The following GLTP variants were observed in gnomAD, a reference collection of about 807,000 sequenced individuals.
GLTP encodes glycolipid transfer protein.
In GLTP, 22 loss-of-function variants were observed where a neutral mutation model predicts 24.0. The observed-to-expected ratio is 0.92, with a 90% CI of 0.65 to 1.31. The LOEUF (loss-of-function observed/expected upper bound fraction) is 1.31. Among genes scored for constraint, GLTP ranks in the 50% most tolerant of loss-of-function variants. The probability of loss-of-function intolerance (pLI) is 0.00; values close to 1 mark genes in which losing one functional copy is unlikely to be tolerated. For missense variants in GLTP, 224 were observed against 276.6 expected (o/e 0.81, Z 1.35); for synonymous variants, 92 against 115.9 (o/e 0.79, Z 1.33).
At chr12:109,870,312 A>C (rs1214796432) in intron 1 of GLTP, among the ~76,000 whole-genome samples, 1 of 151,958 alleles carries the variant, frequency 6.6e-6, no homozygotes, top group Non-Finnish European at 1.5e-5. Context: ...CTAAAAATAC[A>C]AAAATTAACT....
At chr12:109,864,400 G>A (rs185426723) in intron 1 of GLTP, among the ~76,000 whole-genome samples, 11 of 152,306 alleles carry the variant, frequency 7.2e-5, no homozygotes, top group Middle Eastern at 3.4e-3. Context: ...CACAGTCCTG[G>A]GTTTGAATCT....
intron 4 of GLTP, among the ~76,000 whole-genome samples, chr12:109,854,672 C>G (rs534660390): frequency 6.6e-6 from 1 of 152,290 alleles, no homozygotes; most frequent in Non-Finnish European, 1.5e-5. Context: ...TGCCCTGGGC[C>G]AGGTACACAG....
chr12:109,871,834 G>A (rs977969011), intron 1 of GLTP, among the ~76,000 whole-genome samples: 5 of 152,188 alleles, frequency 3.3e-5, no homozygotes, highest in Non-Finnish European at 7.3e-5. Context: ...TAGGCTGGGC[G>A]CCCATGCTGC....
At chr12:109,877,138 G>A (rs917238944) in intron 1 of GLTP, among the ~76,000 whole-genome samples, 15 of 152,208 alleles carry the variant, frequency 9.9e-5, no homozygotes, top group African/African-American at 3.4e-4. Flanking sequence ...ACAGGCGTGA[G>A]CCACCGCACC....
At chr12:109,858,213 C>T (rs1565897579) in intron 2 of GLTP, 1 of 457,380 alleles carries the variant, frequency 2.2e-6, no homozygotes, top group Admixed American at 2.3e-5. Flanking sequence ...GGGGATAACA[C>T]AGGACCAGCC....
At position 109,855,564 on chromosome 12, in the gene GLTP, T is replaced by G. The variant is rs1176125422; in HGVS notation, c.447+55A>C. On this transcript the variant is annotated intron_variant, in intron 4 of 4. Coordinates refer to ENST00000318348, the MANE Select transcript of GLTP (RefSeq NM_016433.4). This position sits in a 1 kb window ranked among gnomAD's most constrained non-coding sequence, Gnocchi z 4.1. ...AGGCCTCGGCTAAGCAGGGGCAGAG[T>G]GGGGAGCAGAATCTGCAAGCTGGTG... 4.1e-6 allele frequency: 6 copies of G among 1,457,470 alleles called. No individual in the cohort carries two copies. The highest frequency in any genetic ancestry group is 1.4e-5 in the African/African-American group (1 of 69,344). The allele number at this position is 1,457,470 out of a possible 1,614,324, so 90.3% of individuals were successfully genotyped here. A position where few individuals can be genotyped will look rare whatever the true frequency, so the allele number is the denominator to read the frequency against.
At chr12:109,867,548 G>A (rs1368204546) in intron 1 of GLTP, among the ~76,000 whole-genome samples, 1 of 152,134 alleles carries the variant, frequency 6.6e-6, no homozygotes, top group African/African-American at 2.4e-5. Flanking sequence ...ATGGCCTCTG[G>A]GACAATTCTG....
At chr12:109,852,806 G>A (rs1892744861) in intron 4 of GLTP, 69 bp from the exon 5 acceptor site, 1 of 1,029,260 alleles carries the variant, frequency 9.7e-7, no homozygotes, top group South Asian at 1.4e-5. Flanking sequence ...CAGCAGGCCA[G>A]GGTTCTGGGA....
chr12:109,865,642 C>T (rs1868502802), intron 1 of GLTP, among the ~76,000 whole-genome samples: 1 of 151,814 alleles, frequency 6.6e-6, no homozygotes, highest in African/African-American at 2.4e-5. Context: ...CTATTTTGCC[C>T]AGGCCAGTCT....
intron 1 of GLTP, among the ~76,000 whole-genome samples, chr12:109,869,489 C>T (rs1464986194): frequency 7.4e-6 from 1 of 135,118 alleles, no homozygotes; most frequent in Non-Finnish European, 1.5e-5. Context: ...CGGAGTCTCA[C>T]TCTGTCGCCA....
At chr12:109,879,278 A>G (rs12578326) in intron 1 of GLTP, among the ~76,000 whole-genome samples, 23,432 of 152,166 alleles carry the variant, frequency 0.15, 3,060 homozygotes, top group African/African-American at 0.36. Flanking sequence ...AACCAGCAGG[A>G]CAGGACAGAG....
chr12:109,853,997 T>G (rs1592887613), intron 4 of GLTP, among the ~76,000 whole-genome samples: 1 of 151,310 alleles, frequency 6.6e-6, no homozygotes, highest in South Asian at 2.1e-4. Flanking sequence ...CTACCTGCCT[T>G]GCCTCCCAAA....
intron 1 of GLTP, among the ~76,000 whole-genome samples, chr12:109,860,590 G>A (rs775912167): frequency 2.0e-5 from 3 of 151,946 alleles, no homozygotes; most frequent in Non-Finnish European, 2.9e-5. Flanking sequence ...CGATCCTCCC[G>A]CCTCAGCCTC....
chr12:109,855,670 G>C lies in GLTP; in HGVS notation c.396C>G (p.Tyr132Ter). Residue 132 changes from tyrosine (Y) to a stop codon, truncating the protein, a stop_gained, in exon 4 of 5, where the codon TAC (tyrosine) becomes TAG (stop). Transcript: ENST00000318348. LOFTEE classifies it high-confidence loss of function. This position sits in a 1 kb window ranked among gnomAD's most constrained non-coding sequence, Gnocchi z 4.1. Reference sequence around the variant, plus strand: ...CATGGTACTTCTTGAGGGCCATCTCGTAGGCCTTGGTGGCGTTGACACGGA... The same window carrying C: ...CATGGTACTTCTTGAGGGCCATCTCCTAGGCCTTGGTGGCGTTGACACGGA... ...NLIRVNATKA[Y>*]EMALKKYHGW... 6.2e-7 allele frequency: 1 copy of C among 1,606,756 alleles called. No individual in the cohort carries two copies.
At chr12:109,877,540 G>A (rs535182436) in intron 1 of GLTP, among the ~76,000 whole-genome samples, 14 of 152,216 alleles carry the variant, frequency 9.2e-5, no homozygotes, top group Admixed American at 3.3e-4. Context: ...GGTAGAGGCC[G>A]GGAATGCTGC....
In GLTP at chr12:109,858,658, T is replaced by C. The variant is rs766992810; in HGVS notation, c.162+25A>G. ...TAGATTCCTAACGCAAGTCTTGGGC[T>C]GTGGCTGCCCGGCCAGGTACATACC... On this transcript the variant is annotated intron_variant, in intron 2 of 4. Coordinates refer to ENST00000318348, the MANE Select transcript of GLTP (RefSeq NM_016433.4). 1.0e-5 allele frequency: 16 copies of C among 1,592,088 alleles called. No individual in the cohort carries two copies. In the African/African-American group the frequency reaches 1.7e-4, roughly 17 times the overall value.
chr12:109,863,468 G>A lies in GLTP; in HGVS notation c.104-4727C>T, dbSNP rs140591693. Among the ~76,000 whole-genome samples the A allele has an allele frequency of 6.8e-3, 1,036 of 152,204 alleles. 1 individual carries two copies. The highest frequency in any genetic ancestry group is 9.4e-3 in the Non-Finnish European group (638 of 68,012). ...ACCCAGCAGATGCCTGACCCCAGTT[G>A]GTACTTGTATGACATCTGTGGAATG... is the stretch of plus-strand genomic sequence containing the variant. On this transcript the variant is annotated intron_variant, in intron 1 of 4. Coordinates refer to ENST00000318348, the MANE Select transcript of GLTP (RefSeq NM_016433.4).
chr12:109,875,949 T>C (rs4766642), intron 1 of GLTP, among the ~76,000 whole-genome samples: 97,932 of 152,138 alleles, frequency 0.64, 32,366 homozygotes, highest in African/African-American at 0.76. Context: ...TAATTGAATA[T>C]AAGGATGTTC....
intron 1 of GLTP, among the ~76,000 whole-genome samples, chr12:109,877,982 T>C (rs1039060152): frequency 3.3e-5 from 5 of 152,280 alleles, no homozygotes; most frequent in African/African-American, 1.2e-4. Flanking sequence ...ACAGCTCTGG[T>C]GGGCAGAGGG....
Sources: gnomAD v4.1 joint callset for allele counts (sites outside exome capture counted in the v4.1 genomes callset) on GRCh38, gnomAD v4.1.1 for gene constraint, Gnocchi (gnomAD v3.1) non-coding constraint, MANE v1.5 for transcripts, NCBI Gene and HGNC (gene_info 2026-07-23, HGNC 2026-07-21) for gene names.